GPC6: variants seen among roughly 807,000 people sequenced by gnomAD.
GPC6 encodes the protein glypican-6.
A neutral mutation model predicts 55.2 loss-of-function variants in GPC6; 14 were observed. The ratio of observed to expected loss-of-function variants is 0.25; its 90% CI spans 0.17 to 0.40. The LOEUF is 0.40. GPC6 is among the 10% of genes least tolerant of loss of function. GPC6 has a pLI of 1.00. For missense variants in GPC6, 641 were observed against 708.5 expected (o/e 0.90, Z 1.08); for synonymous variants, 278 against 259.6 (o/e 1.07, Z -0.68).
intron 1 of GPC6, among the ~76,000 whole-genome samples, chr13:93,266,584 TG>T (rs1260534957): frequency 6.6e-6 from 1 of 152,188 alleles, no homozygotes; most frequent in African/African-American, 2.4e-5. Flanking sequence ...GCATAGCCTA[TG>T]TTTTAAGTGC....
At chr13:94,026,722 A>G (rs1343004458) in intron 3 of GPC6, among the ~76,000 whole-genome samples, 1 of 152,172 alleles carries the variant, frequency 6.6e-6, no homozygotes, top group Non-Finnish European at 1.5e-5. Flanking sequence ...ACAGTGCAGC[A>G]TGGCTGAGGA....
chr13:93,617,715 A>G (rs1287460222), intron 2 of GPC6, among the ~76,000 whole-genome samples: 2 of 152,246 alleles, frequency 1.3e-5, no homozygotes, highest in South Asian at 4.1e-4. Flanking sequence ...ATAACATTCT[A>G]TGATAAGCTT....
At chr13:93,472,973 G>A (rs951866032) in intron 1 of GPC6, among the ~76,000 whole-genome samples, 8 of 152,190 alleles carry the variant, frequency 5.3e-5, no homozygotes, top group Non-Finnish European at 1.2e-4. Flanking sequence ...AAAGGAGAGA[G>A]GGTAGCTCCT....
At chr13:94,312,186 T>A (rs1386273783) in intron 6 of GPC6, among the ~76,000 whole-genome samples, 1 of 152,236 alleles carries the variant, frequency 6.6e-6, no homozygotes, top group Non-Finnish European at 1.5e-5. Context: ...AAAAACCAGA[T>A]GTCTGTTTTG....
At position 93,372,112 on chromosome 13, in the gene GPC6, T is replaced by G. The variant is rs550051846; in HGVS notation, c.160+144496T>G. Among the ~76,000 whole-genome samples, 14 of 152,314 alleles carry G rather than the reference T, an allele frequency of 9.2e-5. 1 individual carries two copies. Among genetic ancestry groups the G allele is most frequent in the African/African-American group, 2.9e-4 (12 of 41,584 alleles). On this transcript the variant is annotated intron_variant, in intron 1 of 8. Coordinates refer to ENST00000377047, the MANE Select transcript of GPC6 (RefSeq NM_005708.5). ...TTTGCTTTCATTAATTCATTTATACTTGCATCTTTTCAGTATGTATGTGTA... is the reference window on the plus strand; with the variant it reads ...TTTGCTTTCATTAATTCATTTATACGTGCATCTTTTCAGTATGTATGTGTA...
chr13:94,407,724 C>A lies in GPC6; in HGVS notation c.*4507C>A, dbSNP rs1321618558. On this transcript the variant is annotated 3_prime_UTR_variant, in exon 9 of 9. Transcript: ENST00000377047. ...TATAAATGAGGTCAGAAAATAAGAT[C>A]AAATGTGAAAAGACTAATAATTTCC... Among the ~76,000 whole-genome samples the A allele has an allele frequency of 6.6e-6, 1 of 152,114 alleles. No homozygotes were observed. Among genetic ancestry groups the A allele is most frequent in the Non-Finnish European group, 1.5e-5 (1 of 67,994 alleles).
intron 2 of GPC6, among the ~76,000 whole-genome samples, chr13:93,603,123 C>T (rs1878093809): frequency 6.6e-6 from 1 of 152,152 alleles, no homozygotes; most frequent in South Asian, 2.1e-4. Flanking sequence ...AATCTTCCCA[C>T]ATTGGCATCC....
chr13:93,953,846 T>C (rs1879373911), intron 3 of GPC6, among the ~76,000 whole-genome samples: 2 of 152,228 alleles, frequency 1.3e-5, no homozygotes, highest in South Asian at 2.1e-4. Context: ...CTGTATAATA[T>C]TGTTTTTCTT....
intron 6 of GPC6, among the ~76,000 whole-genome samples, chr13:94,322,475 C>T (rs746240998): frequency 1.1e-4 from 16 of 152,252 alleles, no homozygotes; most frequent in Non-Finnish European, 1.0e-4. Context: ...GAATACCTTT[C>T]ATGGGCAGTG....
intron 4 of GPC6, among the ~76,000 whole-genome samples, chr13:94,112,028 A>G (rs1886267114): frequency 6.6e-6 from 1 of 152,140 alleles, no homozygotes; most frequent in South Asian, 2.1e-4. Flanking sequence ...TACTCTTCCC[A>G]AGAAAAGTAA....
At chr13:94,088,099 A>T (rs1885352363) in intron 4 of GPC6, among the ~76,000 whole-genome samples, 1 of 152,146 alleles carries the variant, frequency 6.6e-6, no homozygotes, top group South Asian at 2.1e-4. Context: ...GACAGGATCA[A>T]TTTCATAACC....
intron 1 of GPC6, among the ~76,000 whole-genome samples, chr13:93,474,374 T>A (rs1371874312): frequency 6.6e-6 from 1 of 152,160 alleles, no homozygotes; most frequent in Non-Finnish European, 1.5e-5. Flanking sequence ...CCCAGGTGTT[T>A]ATAAAAATGT....
intron 6 of GPC6, among the ~76,000 whole-genome samples, chr13:94,352,264 C>T (rs1038786817): frequency 2.0e-5 from 3 of 152,056 alleles, no homozygotes; most frequent in African/African-American, 7.3e-5. Context: ...GGACTGGGCT[C>T]TCTTCCAGGA....
At chr13:94,352,693 C>T (rs1432109014) in intron 6 of GPC6, among the ~76,000 whole-genome samples, 2 of 152,184 alleles carry the variant, frequency 1.3e-5, no homozygotes, top group Non-Finnish European at 2.9e-5. Context: ...GGCTTTTCTA[C>T]ACTCTGCTGT....
chr13:93,516,266 C>T (rs1398733290), intron 1 of GPC6, among the ~76,000 whole-genome samples: 1 of 152,148 alleles, frequency 6.6e-6, no homozygotes, highest in Non-Finnish European at 1.5e-5. Context: ...TTCTATGTTG[C>T]ACTCACTTTT....
At chr13:93,578,628 AACT>A (rs1176649021) in intron 2 of GPC6, among the ~76,000 whole-genome samples, 2 of 147,902 alleles carry the variant, frequency 1.4e-5, no homozygotes, top group Non-Finnish European at 3.0e-5. Flanking sequence ...TTTTCAAAAA[AACT>A]ACATTTGTTT....
At chr13:94,120,819 G>C (rs528605157) in intron 4 of GPC6, among the ~76,000 whole-genome samples, 196 of 152,188 alleles carry the variant, frequency 1.3e-3, no homozygotes, top group African/African-American at 4.5e-3. Flanking sequence ...GAGAGCCAGT[G>C]AGTTCTTCTC....
intron 1 of GPC6, among the ~76,000 whole-genome samples, chr13:93,514,829 G>A (rs1188263034): frequency 2.0e-5 from 3 of 152,164 alleles, no homozygotes; most frequent in East Asian, 3.8e-4. Flanking sequence ...TGTATTGGAC[G>A]TAGAGTCGTC....
intron 1 of GPC6, among the ~76,000 whole-genome samples, chr13:93,234,762 A>C (rs1013500459): frequency 7.9e-5 from 12 of 152,060 alleles, no homozygotes; most frequent in Admixed American, 7.9e-4. Context: ...AGTGTCCCAG[A>C]AATGTTAATT....
Sources: allele counts gnomAD v4.1 joint callset (sites outside exome capture counted in the v4.1 genomes callset), GRCh38; gene constraint gnomAD v4.1.1; transcripts MANE v1.5; gene names NCBI Gene and HGNC (gene_info 2026-07-23, HGNC 2026-07-21).